The following ANKFN1 variants were observed in gnomAD, a reference collection of about 807,000 sequenced individuals.
The protein encoded by ANKFN1 is ankyrin repeat and fibronectin type-III domain-containing protein 1.
A neutral mutation model predicts 108.7 loss-of-function variants in ANKFN1; 74 were observed. The observed-to-expected ratio is 0.68, with a 90% CI of 0.56 to 0.83. ANKFN1 has a LOEUF of 0.83. Ranked by LOEUF, ANKFN1 falls within the 40% of genes least tolerant of loss-of-function variation. The pLI is 0.00. For synonymous variants in ANKFN1, 547 were observed against 516.2 expected (o/e 1.06, Z -0.81); for missense variants, 1,505 against 1,382.3 (o/e 1.09, Z -1.41).
At chr17:56,277,783 CAA>C (rs2043972494) in intron 3 of ANKFN1, among the ~76,000 whole-genome samples, 1 of 151,970 alleles carries the variant, frequency 6.6e-6, no homozygotes, top group Non-Finnish European at 1.5e-5. Context: ...ATTGTACACT[CAA>C]AGAGAGATTT....
rs781775258 is a variant in ANKFN1, at chr17:56,511,972, T to C, written c.*703T>C. Among the ~76,000 whole-genome samples, 15 of 152,124 alleles carry C rather than the reference T, an allele frequency of 9.9e-5. No homozygotes were observed. Among genetic ancestry groups the C allele is most frequent in the Non-Finnish European group, 1.3e-4 (9 of 68,026 alleles). On this transcript the variant is annotated 3_prime_UTR_variant, in exon 21 of 21. Coordinates refer to ENST00000682825, the MANE Select transcript of ANKFN1 (RefSeq NM_001370326.1). ...CTCTTTCAGCTCTACCTTGCAAAGATAGAATAGGACAGAAAGTAGCCCTTC... is the reference window on the plus strand; with the variant it reads ...CTCTTTCAGCTCTACCTTGCAAAGACAGAATAGGACAGAAAGTAGCCCTTC...
intron 1 of ANKFN1, among the ~76,000 whole-genome samples, chr17:56,159,210 C>T (rs560561632): frequency 6.6e-6 from 1 of 152,204 alleles, no homozygotes; most frequent in South Asian, 2.1e-4. Flanking sequence ...AATCAATATC[C>T]AGAAAATGAT....
rs1285475668 is a variant in ANKFN1 at position 56,103,308 on chromosome 17, A to AAAGGCGCAGGATGG, written c.288+56989_288+57002dup. ...AAGAGGAGCAGAGCTGAGCAGGATC[A>AAAGGCGCAGGATGG]AAGGCGCAGGATGGAAGGCACAGAT... On this transcript the variant is annotated intron_variant, in intron 4 of 12. Transcript: ENST00000635860. Among the ~76,000 whole-genome samples, 56 of 152,366 alleles carry AAAGGCGCAGGATGG rather than the reference A, an allele frequency of 3.7e-4. 1 individual carries two copies. Among genetic ancestry groups the AAAGGCGCAGGATGG allele is most frequent in the African/African-American group, 1.2e-3 (49 of 41,584 alleles).
At chr17:56,269,778 T>TG (rs1307737726) in intron 3 of ANKFN1, among the ~76,000 whole-genome samples, 1 of 152,210 alleles carries the variant, frequency 6.6e-6, no homozygotes, top group Non-Finnish European at 1.5e-5. Context: ...TTTCACAGTC[T>TG]GGGGATGAAA....
intron 14 of ANKFN1, among the ~76,000 whole-genome samples, chr17:56,464,749 C>A (rs1374043728): frequency 6.6e-6 from 1 of 152,140 alleles, no homozygotes; most frequent in Admixed American, 6.5e-5. Context: ...TTTAATCCCT[C>A]AAACATTCAC....
chr17:56,108,950 T>C (rs1905804915), intron 4 of ANKFN1, among the ~76,000 whole-genome samples: 1 of 152,238 alleles, frequency 6.6e-6, no homozygotes, highest in Non-Finnish European at 1.5e-5. Flanking sequence ...CATTCTCCCC[T>C]GAGGTCTGTG....
chr17:56,403,217 G>C (rs746093959), intron 8 of ANKFN1, among the ~76,000 whole-genome samples: 2 of 152,066 alleles, frequency 1.3e-5, no homozygotes, highest in Non-Finnish European at 2.9e-5. Context: ...AAGTCTATTT[G>C]TTCCAAGGTA....
Position 56,499,032 on chromosome 17 carries a change from T to A in ANKFN1, c.2578T>A (p.Ser860Thr). The change falls in exon 20 of 21, where the codon TCA becomes ACA. Residue 860 changes from serine to threonine, a missense_variant. Coordinates refer to ENST00000682825, the MANE Select transcript of ANKFN1 (RefSeq NM_001370326.1). ...AAAGAAGATCAATTCTACATCATCA[T>A]CACATATAGACTGTCTTCCATCCCC... ...SLKKINSTSSSHIDCLPSPPP... is the reference protein window; with the variant it reads ...SLKKINSTSSTHIDCLPSPPP... The A allele has an allele frequency of 6.5e-6, 10 of 1,535,776 alleles. No individual in the cohort carries two copies. Among genetic ancestry groups the A allele is most frequent in the Non-Finnish European group, 7.8e-6 (9 of 1,146,678 alleles).
At position 56,516,640 on chromosome 17, in the gene ANKFN1, C is replaced by T. The variant is rs2051924648; in HGVS notation, c.*5371C>T. On this transcript the variant is annotated 3_prime_UTR_variant, in exon 21 of 21. Coordinates refer to ENST00000682825, the MANE Select transcript of ANKFN1 (RefSeq NM_001370326.1). The stretch of plus-strand genomic sequence containing the variant: ...AAATGTGTACTGTAAATGTCCAGTA[C>T]CCTCAATCAAAAACAGCACTGGTAA... 6.6e-6 allele frequency among the ~76,000 whole-genome samples: 1 copy of T among 152,096 alleles called. No homozygotes were observed. The highest frequency in any genetic ancestry group is 6.6e-5 in the Admixed American group (1 of 15,264).
At chr17:56,153,923 G>T (rs926633774) in intron 1 of ANKFN1, among the ~76,000 whole-genome samples, 1 of 152,090 alleles carries the variant, frequency 6.6e-6, no homozygotes, top group Non-Finnish European at 1.5e-5. Flanking sequence ...CTGTTCACAC[G>T]CTCTCACTGT....
At chr17:56,208,211 A>G (rs1292724957) in intron 1 of ANKFN1, among the ~76,000 whole-genome samples, 1 of 152,060 alleles carries the variant, frequency 6.6e-6, no homozygotes, top group Non-Finnish European at 1.5e-5. Flanking sequence ...GGGTTTCACC[A>G]TGTTACCTGA....
At chr17:56,254,176 A>G (rs1271936044) in intron 3 of ANKFN1, 3 of 152,214 alleles carry the variant, frequency 2.0e-5, no homozygotes, top group African/African-American at 7.2e-5. Context: ...ATCCTTCAGC[A>G]CACTGGATTT....
chr17:56,419,391 G>T (rs1460469060), intron 8 of ANKFN1, among the ~76,000 whole-genome samples: 1 of 151,866 alleles, frequency 6.6e-6, no homozygotes, highest in African/African-American at 2.4e-5. Context: ...CCTGAGGTAG[G>T]AGAATTGCTT....
chr17:56,416,084 T>C (rs984509505), intron 8 of ANKFN1, among the ~76,000 whole-genome samples: 1 of 152,160 alleles, frequency 6.6e-6, no homozygotes, highest in Non-Finnish European at 1.5e-5. Flanking sequence ...AAGACTTAAA[T>C]CTAAGACCTA....
rs1419633216 is a variant in ANKFN1, at chr17:56,351,706, G to C, written c.390+739G>C. Among the ~76,000 whole-genome samples the C allele has an allele frequency of 4.6e-5, 7 of 152,142 alleles. No homozygotes were observed. In the East Asian group the frequency reaches 1.3e-3, roughly 29 times the overall value. On this transcript the variant is annotated intron_variant, in intron 5 of 20. Transcript: ENST00000682825. ...CTCTGGACCTTGTAGATGTCATAGT[G>C]AGTTATGTAATAGAGAATGGCGTAA...
chr17:56,325,149 G>A (rs1225780400), intron 3 of ANKFN1, among the ~76,000 whole-genome samples: 4 of 152,164 alleles, frequency 2.6e-5, no homozygotes, highest in African/African-American at 9.7e-5. Flanking sequence ...TCAGTGCCTA[G>A]CAGAAGAGTC....
At chr17:56,293,327 A>G (rs2044416245) in intron 3 of ANKFN1, among the ~76,000 whole-genome samples, 1 of 152,196 alleles carries the variant, frequency 6.6e-6, no homozygotes, top group South Asian at 2.1e-4. Context: ...TTTTGAATTC[A>G]TTGTATCACA....
chr17:56,351,888 T>C (rs1038486254), intron 5 of ANKFN1, among the ~76,000 whole-genome samples: 2 of 152,190 alleles, frequency 1.3e-5, no homozygotes, highest in African/African-American at 2.4e-5. Flanking sequence ...AAATGAGTCC[T>C]AGCCTTTCCA....
chr17:56,479,192 A>G (rs1177375692), intron 16 of ANKFN1, among the ~76,000 whole-genome samples: 1 of 152,170 alleles, frequency 6.6e-6, no homozygotes, highest in Non-Finnish European at 1.5e-5. Context: ...TCCAGTTTTC[A>G]TTTGTACAAA....
Sources: gnomAD v4.1 joint callset for allele counts (sites outside exome capture counted in the v4.1 genomes callset) on GRCh38, gnomAD v4.1.1 for gene constraint, MANE v1.5 for transcripts, NCBI Gene and HGNC (gene_info 2026-07-23, HGNC 2026-07-21) for gene names.